Variants in CDH7 observed in about 807,000 individuals in gnomAD.
The protein encoded by CDH7 is cadherin 7, also known as cadherin-7.
In CDH7, 25 loss-of-function variants were observed where a neutral mutation model predicts 71.8. The observed-to-expected ratio is 0.35, with a 90% CI of 0.25 to 0.49. The LOEUF (loss-of-function observed/expected upper bound fraction) is 0.49, where lower values mean the gene tolerates loss of function less well. CDH7 is among the 20% of genes least tolerant of loss of function. CDH7 has a pLI of 0.99. For missense variants in CDH7, 862 were observed against 974.6 expected (o/e 0.88, Z 1.54); for synonymous variants, 381 against 363.8 (o/e 1.05, Z -0.54).
Position 65,752,901 on chromosome 18 carries a change from A to G in CDH7, c.-197+1751A>G, listed in dbSNP as rs74872271. On this transcript the variant is annotated intron_variant, in intron 1 of 11. Coordinates refer to ENST00000397968, the MANE Select transcript of CDH7 (RefSeq NM_004361.5). ...CACTTACAACGTGAGATATTATTGT[A>G]ATTAAGGGCTGCAAGAGGTCATTAG... Among the ~76,000 whole-genome samples the G allele has an allele frequency of 2.3e-3, 357 of 152,372 alleles. 3 individuals are homozygous for G. The highest frequency in any genetic ancestry group is 8.2e-3 in the African/African-American group (341 of 41,590).
chr18:65,869,891 A>G (rs1219361444), intron 11 of CDH7, among the ~76,000 whole-genome samples: 1 of 152,078 alleles, frequency 6.6e-6, no homozygotes, highest in African/African-American at 2.4e-5. Context: ...ACTTATTTTT[A>G]TTACCCATAG....
intron 2 of CDH7, among the ~76,000 whole-genome samples, chr18:65,789,490 T>C (rs1910633917): frequency 2.6e-5 from 4 of 151,866 alleles, no homozygotes; most frequent in African/African-American, 7.3e-5. Context: ...TTTTTGTTTG[T>C]TTTTTGATAA....
chr18:65,760,545 A>C (rs1382914051), intron 1 of CDH7, among the ~76,000 whole-genome samples: 1 of 152,198 alleles, frequency 6.6e-6, no homozygotes, highest in Non-Finnish European at 1.5e-5. Flanking sequence ...TAAAAACTAT[A>C]TTATCAGGAG....
chr18:65,781,770 C>CTTTT (rs879658195), intron 2 of CDH7, among the ~76,000 whole-genome samples: 2 of 79,044 alleles, frequency 2.5e-5, no homozygotes, highest in African/African-American at 1.1e-4. Flanking sequence ...TTCTTTCTTT[C>CTTTT]CTTCCTTCCT....
chr18:65,755,914 C>T (rs548256372), intron 1 of CDH7, among the ~76,000 whole-genome samples: 1 of 152,092 alleles, frequency 6.6e-6, no homozygotes, highest in South Asian at 2.1e-4. Flanking sequence ...TTAAATAAAA[C>T]CATTAAATAT....
rs200963885 is a variant in CDH7 at position 65,762,831 on chromosome 18, GA to G, written c.-2del. On this transcript the variant is annotated 5_prime_UTR_variant, in exon 2 of 12. Coordinates refer to ENST00000397968, the MANE Select transcript of CDH7 (RefSeq NM_004361.5). ...TTTTTTCTTACACAGGAAAAAGAAA[GA>G]AAAAAAAAAGATGAAGTTGGGCAAA... 852 of 1,408,162 alleles carry G rather than the reference GA, an allele frequency of 6.1e-4. 2 individuals carry two copies. The highest frequency in any genetic ancestry group is 2.5e-3 in the South Asian group (188 of 74,260). The allele number at this position is 1,408,162 out of a possible 1,614,324, so 87.2% of individuals were successfully genotyped here. A position where few individuals can be genotyped will look rare whatever the true frequency, so the allele number is the denominator to read the frequency against.
intron 2 of CDH7, among the ~76,000 whole-genome samples, chr18:65,781,815 CTTCCTTCTTTCTTTCTTTCT>C (rs1910224009): frequency 6.9e-5 from 4 of 58,324 alleles, no homozygotes; most frequent in African/African-American, 3.5e-4. Flanking sequence ...TCCTTCCTTC[CTTCCTTCTTTCTTTCTTTCT>C]TTCTTTCTTT....
At chr18:65,853,438 A>T (rs1336167372) in intron 7 of CDH7, among the ~76,000 whole-genome samples, 1 of 152,132 alleles carries the variant, frequency 6.6e-6, no homozygotes, top group East Asian at 1.9e-4. Flanking sequence ...TACACTTCTC[A>T]TTCTAAAAAG....
At chr18:65,832,070 GC>G (rs1912369203) in intron 6 of CDH7, among the ~76,000 whole-genome samples, 1 of 152,190 alleles carries the variant, frequency 6.6e-6, no homozygotes, top group Admixed American at 6.5e-5. Context: ...GGACAATAAA[GC>G]TTTAATGTCC....
intron 2 of CDH7, among the ~76,000 whole-genome samples, chr18:65,781,832 T>A (rs1568181540): frequency 3.0e-4 from 26 of 85,910 alleles, no homozygotes; most frequent in African/African-American, 1.9e-3. Flanking sequence ...CTTTCTTTCT[T>A]TCTTTCTTTC....
chr18:65,845,209 G>GTA (rs1912893726), intron 7 of CDH7, among the ~76,000 whole-genome samples: 1 of 150,976 alleles, frequency 6.6e-6, no homozygotes, highest in Non-Finnish European at 1.5e-5. Flanking sequence ...GTATATATAT[G>GTA]TATATATATA....
rs191509717 is a variant in CDH7, at chr18:65,812,787, T to A, written c.506-1698T>A. Reference sequence around the variant, plus strand: ...TTGTACACAGCCAAACTTACTGAAGTTTAGTTTTTATTATTTGGTTTAAAA... The same window carrying A: ...TTGTACACAGCCAAACTTACTGAAGATTAGTTTTTATTATTTGGTTTAAAA... On this transcript the variant is annotated intron_variant, in intron 3 of 11. Coordinates refer to ENST00000397968, the MANE Select transcript of CDH7 (RefSeq NM_004361.5). Among the ~76,000 whole-genome samples, 3 of 152,314 alleles carry A rather than the reference T, an allele frequency of 2.0e-5. No individual in the cohort carries two copies. In the East Asian group the frequency reaches 5.8e-4, roughly 29 times the overall value.
chr18:65,762,829 AAG>A lies in CDH7; in HGVS notation c.-12_-11del. ...GTTTTTTTCTTACACAGGAAAAAGA[AAG>A]AAAAAAAAAAGATGAAGTTGGGCAA... On this transcript the variant is annotated 5_prime_UTR_variant, in exon 2 of 12. Transcript: ENST00000397968. 6.3e-7 allele frequency: 1 copy of A among 1,598,590 alleles called. No individual in the cohort carries two copies. Among genetic ancestry groups the A allele is most frequent in the Non-Finnish European group, 8.5e-7 (1 of 1,174,784 alleles).
At chr18:65,848,837 C>T (rs1211602104) in intron 7 of CDH7, among the ~76,000 whole-genome samples, 1 of 88,222 alleles carries the variant, frequency 1.1e-5, no homozygotes, top group Non-Finnish European at 2.8e-5. Context: ...ATAATATTTA[C>T]CCGTGGGCTT....
At chr18:65,802,301 T>G (rs73966307) in intron 2 of CDH7, among the ~76,000 whole-genome samples, 5,993 of 152,256 alleles carry the variant, frequency 0.039, 395 homozygotes, top group African/African-American at 0.14. Context: ...AAAATAAATT[T>G]CTTAGATGAA....
At position 65,882,988 on chromosome 18, in the gene CDH7, C is replaced by T. The variant is rs1411336213; in HGVS notation, c.*2094C>T. Reference sequence around the variant, plus strand: ...CAAAACTGCTGATTGTTGCACATACCACTAAACGGAGGTGTGGATGTATTT... The same window carrying T: ...CAAAACTGCTGATTGTTGCACATACTACTAAACGGAGGTGTGGATGTATTT... On this transcript the variant is annotated 3_prime_UTR_variant, in exon 12 of 12. Transcript: ENST00000397968. 6.6e-6 allele frequency: 1 copy of T among 152,026 alleles called. No homozygotes were observed. Among genetic ancestry groups the T allele is most frequent in the Non-Finnish European group, 1.5e-5 (1 of 67,940 alleles). 9.4% of individuals were successfully genotyped at this position (152,026 alleles called of 1,614,324 possible).
chr18:65,750,875 C>G (rs1188674969), upstream of CDH7: 2 of 152,340 alleles, frequency 1.3e-5, no homozygotes, highest in Non-Finnish European at 2.9e-5. Flanking sequence ...GCCGGAGGGG[C>G]CCCTCGCAGT....
At chr18:65,845,299 G>T (rs752960255) in intron 7 of CDH7, among the ~76,000 whole-genome samples, 1 of 150,686 alleles carries the variant, frequency 6.6e-6, no homozygotes, top group South Asian at 2.1e-4. Context: ...TATGTATTAT[G>T]TGCTTATCTA....
intron 11 of CDH7, among the ~76,000 whole-genome samples, chr18:65,879,595 A>G (rs531108373): frequency 6.6e-6 from 1 of 152,322 alleles, no homozygotes; most frequent in African/African-American, 2.4e-5. Flanking sequence ...CTAGTGAAAA[A>G]TGCACAGAAT....
Sources: allele counts gnomAD v4.1 joint callset (sites outside exome capture counted in the v4.1 genomes callset), GRCh38; gene constraint gnomAD v4.1.1; transcripts MANE v1.5; gene names NCBI Gene and HGNC (gene_info 2026-07-23, HGNC 2026-07-21).